Variants in RORA observed in about 807,000 individuals in gnomAD.
RORA encodes nuclear receptor ROR-alpha.
In RORA, 7 loss-of-function variants were observed where a neutral mutation model predicts 69.5. The observed-to-expected ratio is 0.10, with a 90% CI of 0.06 to 0.19. The LOEUF (loss-of-function observed/expected upper bound fraction) is 0.19, where lower values mean the gene tolerates loss of function less well. Among genes scored for constraint, RORA ranks in the 10% least tolerant of loss-of-function variants. RORA has a pLI of 1.00. For synonymous variants in RORA, 261 were observed against 240.8 expected, an observed-to-expected ratio of 1.08 and a Z score of -0.78; for missense variants, 457 against 663.0, an observed-to-expected ratio of 0.69 and a Z score of 3.41.
chr15:60,601,204 C>A (rs927479839), intron 2 of RORA: 1 of 152,186 alleles, frequency 6.6e-6, no homozygotes, highest in African/African-American at 2.4e-5. Flanking sequence ...ACCCTCATAA[C>A]ATCTAGGCAT....
chr15:61,138,224 G>A (rs2079263184), intron 1 of RORA, among the ~76,000 whole-genome samples: 1 of 151,850 alleles, frequency 6.6e-6, no homozygotes, highest in Admixed American at 6.6e-5. Context: ...GATTCATTTG[G>A]GTTTTTAAAT....
chr15:60,810,740 C>T (rs531522287), intron 1 of RORA, among the ~76,000 whole-genome samples: 23 of 149,846 alleles, frequency 1.5e-4, no homozygotes, highest in African/African-American at 4.9e-4. Context: ...TTCCTCCCTT[C>T]GTAGTTTCTG....
At position 60,497,611 on chromosome 15, in the gene RORA, G is replaced by A. The variant is rs2065200704; in HGVS notation, c.1416C>T (p.Cys472=). Residue 472 remains cysteine (C), a synonymous_variant, in exon 11 of 11, where the codon TGC becomes TGT. Transcript: ENST00000335670. ...REDGILTKLI[C]KVSTLRALCG... ...ATAAGGCTCTTAAGGTAGACACCTT[G>A]CATATTAACTGTAAGTGAAAGAAAG... The A allele has an allele frequency of 6.2e-7, 1 of 1,610,180 alleles. No homozygotes were observed. Among genetic ancestry groups the A allele is most frequent in the South Asian group, 1.1e-5 (1 of 90,972 alleles).
At chr15:61,122,488 C>A (rs535764370) in intron 1 of RORA, among the ~76,000 whole-genome samples, 9 of 152,170 alleles carry the variant, frequency 5.9e-5, no homozygotes, top group Non-Finnish European at 8.8e-5. Flanking sequence ...TGAGGTTACA[C>A]TGACTTCATG....
At chr15:60,864,907 G>A (rs2073470760) in intron 1 of RORA, among the ~76,000 whole-genome samples, 2 of 152,156 alleles carry the variant, frequency 1.3e-5, no homozygotes, top group Non-Finnish European at 2.9e-5. Flanking sequence ...CTACCACTGG[G>A]ATTTGTTCCA....
At chr15:61,063,831 T>C (rs1335518167) in intron 1 of RORA, among the ~76,000 whole-genome samples, 2 of 152,096 alleles carry the variant, frequency 1.3e-5, no homozygotes, top group Admixed American at 6.5e-5. Context: ...CCTGTGAAAA[T>C]GGTAAAACAT....
At chr15:61,034,575 C>T (rs1197125355) in intron 1 of RORA, among the ~76,000 whole-genome samples, 1 of 152,114 alleles carries the variant, frequency 6.6e-6, no homozygotes, top group Non-Finnish European at 1.5e-5. Context: ...CCCTGGGGAA[C>T]TGCCAGTAGG....
At chr15:61,224,237 G>T (rs1167206442) in intron 1 of RORA, among the ~76,000 whole-genome samples, 1 of 152,218 alleles carries the variant, frequency 6.6e-6, no homozygotes, top group African/African-American at 2.4e-5. Context: ...AGCAGATGAG[G>T]TCTACCTCAA....
At chr15:60,832,416 G>A (rs563863193) in intron 1 of RORA, among the ~76,000 whole-genome samples, 2 of 152,228 alleles carry the variant, frequency 1.3e-5, no homozygotes, top group South Asian at 4.2e-4. Flanking sequence ...CTATTTCCTG[G>A]AGTATGGACT....
chr15:60,829,952 C>T (rs896894735), intron 1 of RORA, among the ~76,000 whole-genome samples: 1 of 152,194 alleles, frequency 6.6e-6, no homozygotes, highest in African/African-American at 2.4e-5. Context: ...GCTTGGCATA[C>T]AGTGGGAGCA....
At position 61,084,159 on chromosome 15, in the gene RORA, G is replaced by A. The variant is rs2078587833; in HGVS notation, c.166+144894C>T. ...GCCACTCCCCTAACTCGAATTTTCT[G>A]TCAAGCCTCTCAGAGATGGTGAACA... On this transcript the variant is annotated intron_variant, in intron 1 of 10. Coordinates refer to ENST00000335670, the MANE Select transcript of RORA (RefSeq NM_134261.3). Among the ~76,000 whole-genome samples, 3 of 152,114 alleles carry A rather than the reference G, an allele frequency of 2.0e-5. No homozygotes were observed. In the South Asian group the frequency reaches 6.2e-4, roughly 32 times the overall value.
At chr15:60,743,016 ATTTTTTTTTTTT>A (rs33922947) in intron 1 of RORA, among the ~76,000 whole-genome samples, 1 of 105,172 alleles carries the variant, frequency 9.5e-6, no homozygotes, top group Non-Finnish European at 1.9e-5. Context: ...CATTCATTCT[ATTTTTTTTTTTT>A]TTTTTTTTTT....
intron 1 of RORA, among the ~76,000 whole-genome samples, chr15:61,173,598 G>A (rs954194114): frequency 4.6e-5 from 7 of 152,240 alleles, no homozygotes; most frequent in South Asian, 2.1e-4. Flanking sequence ...TAAAAATATC[G>A]TCTGATGCTC....
chr15:60,967,250 T>C (rs1893579527), intron 1 of RORA, among the ~76,000 whole-genome samples: 1 of 152,250 alleles, frequency 6.6e-6, no homozygotes, highest in Non-Finnish European at 1.5e-5. Context: ...TATTTATGCA[T>C]TGACAGATGT....
At position 60,511,660 on chromosome 15, in the gene RORA, C is replaced by T; in HGVS notation, c.425-39G>A. ...GCCAAACCATACTACATACAATGCG[C>T]TTTTCTTCAATATTCTCTCCTGCGA... On this transcript the variant is annotated intron_variant, in intron 4 of 10. Transcript: ENST00000335670. This position sits in a 1 kb window ranked among gnomAD's most constrained non-coding sequence, Gnocchi z 6.4. The T allele has an allele frequency of 6.5e-7, 1 of 1,545,368 alleles. No homozygotes were observed. The highest frequency in any genetic ancestry group is 1.3e-5 in the South Asian group (1 of 79,342).
At chr15:60,672,989 A>G (rs2140739428) in intron 2 of RORA, among the ~76,000 whole-genome samples, 1 of 152,324 alleles carries the variant, frequency 6.6e-6, no homozygotes, top group East Asian at 1.9e-4. Context: ...GTATGTAATA[A>G]GTCTATCAAG....
At chr15:61,113,910 C>T (rs1465274485) in intron 1 of RORA, among the ~76,000 whole-genome samples, 6 of 152,146 alleles carry the variant, frequency 3.9e-5, no homozygotes, top group Non-Finnish European at 5.9e-5. Context: ...ATGACAGCCA[C>T]GAATAGCTGT....
intron 1 of RORA, among the ~76,000 whole-genome samples, chr15:60,872,081 G>A (rs2073562847): frequency 6.6e-6 from 1 of 152,194 alleles, no homozygotes; most frequent in Non-Finnish European, 1.5e-5. Context: ...GCAGCACTAT[G>A]AGGTAATCTC....
Position 60,702,398 on chromosome 15 carries a change from A to G in RORA, c.167-23712T>C, listed in dbSNP as rs142125594. 4.4e-3 allele frequency among the ~76,000 whole-genome samples: 664 copies of G among 151,660 alleles called. 6 individuals are homozygous for G. The highest frequency in any genetic ancestry group is 0.015 in the African/African-American group (633 of 41,344). Reference sequence around the variant, plus strand: ...AGGCACGAGCCACCATGCCTGGCTAATTTTTGTATTTTCAGTAGAGATGGG... The same window carrying G: ...AGGCACGAGCCACCATGCCTGGCTAGTTTTTGTATTTTCAGTAGAGATGGG... On this transcript the variant is annotated intron_variant, in intron 1 of 10. Transcript: ENST00000335670.
Sources: gnomAD v4.1 joint callset for allele counts (sites outside exome capture counted in the v4.1 genomes callset) on GRCh38, gnomAD v4.1.1 for gene constraint, Gnocchi (gnomAD v3.1) non-coding constraint, MANE v1.5 for transcripts, NCBI Gene and HGNC (gene_info 2026-07-23, HGNC 2026-07-21) for gene names.